Variants in ESRRG observed in about 807,000 individuals in gnomAD.
ESRRG encodes the protein estrogen-related receptor gamma.
ESRRG carries 13 observed loss-of-function variants against 44.0 expected under a neutral mutation model. The ratio of observed to expected loss-of-function variants is 0.30; its 90% confidence interval spans 0.19 to 0.47. The LOEUF is 0.47. Ranked by LOEUF, ESRRG falls within the 20% of genes least tolerant of loss-of-function variation. ESRRG has a pLI of 1.00. For synonymous variants in ESRRG, 215 were observed against 214.6 expected, an observed-to-expected ratio of 1.00 and a Z score of -0.02; for missense variants, 395 against 580.6, an observed-to-expected ratio of 0.68 and a Z score of 3.29.
At chr1:216,790,839 A>G (rs1430572810) in intron 2 of ESRRG, among the ~76,000 whole-genome samples, 2 of 152,156 alleles carry the variant, frequency 1.3e-5, no homozygotes, top group African/African-American at 4.8e-5. Flanking sequence ...ATTGTTGTAT[A>G]GAGGTGCATT....
chr1:216,797,042 C>T (rs2094489374), intron 2 of ESRRG, among the ~76,000 whole-genome samples: 1 of 151,992 alleles, frequency 6.6e-6, no homozygotes, highest in South Asian at 2.1e-4. Flanking sequence ...CAGGCGTGTG[C>T]TGTCACACCT....
At chr1:216,639,416 C>G (rs931526420) in intron 3 of ESRRG, among the ~76,000 whole-genome samples, 7 of 152,090 alleles carry the variant, frequency 4.6e-5, no homozygotes, top group African/African-American at 1.7e-4. Flanking sequence ...GCTCAGGTGG[C>G]CTCAAGGAAA....
chr1:216,571,888 G>A (rs2060871145), intron 3 of ESRRG, among the ~76,000 whole-genome samples: 1 of 152,052 alleles, frequency 6.6e-6, no homozygotes, highest in East Asian at 1.9e-4. Flanking sequence ...AAAATTGACA[G>A]GGACTCCACA....
intron 2 of ESRRG, among the ~76,000 whole-genome samples, chr1:216,939,362 A>AAAAAAAC (rs2064792724): frequency 7.0e-6 from 1 of 142,566 alleles, no homozygotes; most frequent in Non-Finnish European, 1.5e-5. Flanking sequence ...AAAAAAAAAA[A>AAAAAAAC]AAAAAAAACA....
Position 216,507,026 on chromosome 1 carries a change from CT to C in ESRRG, c.1289del (p.Lys430ArgfsTer11). 1 of 1,614,116 alleles carries C rather than the reference CT, an allele frequency of 6.2e-7. No homozygotes were observed. Among genetic ancestry groups the C allele is most frequent in the Non-Finnish European group, 8.5e-7 (1 of 1,180,018 alleles). On this transcript the variant is annotated frameshift_variant, in exon 7 of 7. Coordinates refer to ENST00000408911, the MANE Select transcript of ESRRG (RefSeq NM_001438.4). LOFTEE classifies it high-confidence loss of function. Reference protein sequence around the residue: ...TLPLLRQTSTKAVQHFYNIKL... With the variant: ...TLPLLRQTSTXAVQHFYNIKL... ...TGATGTTGTAGAAATGCTGCACGGC[CT>C]TGGTAGAGGTCTGCCTCAGGAGTGG...
intron 1 of ESRRG, among the ~76,000 whole-genome samples, chr1:217,010,443 G>A (rs556102384): frequency 8.5e-5 from 13 of 152,302 alleles, no homozygotes; most frequent in Admixed American, 5.2e-4. Context: ...ACAGTGTCAT[G>A]TTGACTCATC....
At chr1:217,119,145 C>G (rs1263673611) in intron 1 of ESRRG, among the ~76,000 whole-genome samples, 2 of 152,026 alleles carry the variant, frequency 1.3e-5, no homozygotes, top group African/African-American at 4.8e-5. Flanking sequence ...ATTCTTATGC[C>G]AATTTGGGTT....
intron 2 of ESRRG, among the ~76,000 whole-genome samples, chr1:216,918,665 A>G (rs558058781): frequency 5.3e-4 from 81 of 152,174 alleles, no homozygotes; most frequent in Admixed American, 6.5e-4. Context: ...TCCATAACTC[A>G]AATTTCAGTG....
intron 1 of ESRRG, among the ~76,000 whole-genome samples, chr1:217,107,612 C>T (rs2092613343): frequency 6.6e-6 from 1 of 152,140 alleles, no homozygotes; most frequent in African/African-American, 2.4e-5. Context: ...GTAGTTGGGA[C>T]TGAAAGTTCA....
chr1:217,019,661 T>G (rs2079983327), intron 1 of ESRRG, among the ~76,000 whole-genome samples: 1 of 152,212 alleles, frequency 6.6e-6, no homozygotes, highest in Non-Finnish European at 1.5e-5. Flanking sequence ...TAGGAAACAC[T>G]GAGCCTGTCA....
chr1:217,100,809 T>A (rs1440591337), intron 1 of ESRRG, among the ~76,000 whole-genome samples: 1 of 152,130 alleles, frequency 6.6e-6, no homozygotes, highest in Non-Finnish European at 1.5e-5. Context: ...ACTTACTTAT[T>A]ACCCCAAGGA....
At chr1:217,022,187 A>C (rs2150931805) in intron 1 of ESRRG, among the ~76,000 whole-genome samples, 1 of 152,344 alleles carries the variant, frequency 6.6e-6, no homozygotes, top group South Asian at 2.1e-4. Flanking sequence ...CCAAAGGCTA[A>C]ATTGAGCTGC....
intron 1 of ESRRG, among the ~76,000 whole-genome samples, chr1:216,707,889 C>T (rs1164243115): frequency 6.6e-6 from 1 of 152,134 alleles, no homozygotes; most frequent in Non-Finnish European, 1.5e-5. Context: ...CAATTTTAAA[C>T]TGATATTTTC....
chr1:216,687,655 T>A (rs899522679), intron 1 of ESRRG, among the ~76,000 whole-genome samples: 5 of 152,178 alleles, frequency 3.3e-5, no homozygotes, highest in African/African-American at 1.2e-4. Flanking sequence ...GTCTCCTACA[T>A]CTGAAGATTG....
rs546464010 is a variant in ESRRG, at chr1:216,825,437, A to T, written c.-14+114145T>A. Among the ~76,000 whole-genome samples the T allele has an allele frequency of 3.9e-4, 60 of 152,322 alleles. No individual in the cohort carries two copies. In the South Asian group the frequency reaches 0.012, roughly 32 times the overall value. On this transcript the variant is annotated intron_variant, in intron 2 of 7. Coordinates refer to the ESRRG transcript ENST00000359162. ...CGCTGGGATAAAGCAGGCAAAGATA[A>T]GGAGGTTTGCAAATGCAATATATCA...
At chr1:217,040,807 T>G (rs550063124) in intron 1 of ESRRG, among the ~76,000 whole-genome samples, 15 of 152,282 alleles carry the variant, frequency 9.9e-5, no homozygotes, top group African/African-American at 3.6e-4. Context: ...TCCTACTCTT[T>G]GTACTTATGC....
intron 1 of ESRRG, among the ~76,000 whole-genome samples, chr1:216,947,029 C>G (rs1023205991): frequency 6.6e-6 from 1 of 152,080 alleles, no homozygotes; most frequent in Non-Finnish European, 1.5e-5. Context: ...GGGAGTGACA[C>G]CAACATCCAA....
chr1:217,059,956 G>A (rs905124354), intron 1 of ESRRG, among the ~76,000 whole-genome samples: 1 of 152,118 alleles, frequency 6.6e-6, no homozygotes, highest in South Asian at 2.1e-4. Flanking sequence ...GGTGACAAAT[G>A]TATTTTTTAA....
chr1:216,716,980 G>T (rs923224931), intron 1 of ESRRG, among the ~76,000 whole-genome samples: 1 of 151,702 alleles, frequency 6.6e-6, no homozygotes, highest in South Asian at 2.1e-4. Flanking sequence ...TCATTGTTTT[G>T]CCTCAGTAAG....
Sources: allele counts gnomAD v4.1 joint callset (sites outside exome capture counted in the v4.1 genomes callset), GRCh38; gene constraint gnomAD v4.1.1; transcripts MANE v1.5; gene names NCBI Gene and HGNC (gene_info 2026-07-23, HGNC 2026-07-21).